The following STMN2 variants were observed in gnomAD, a reference collection of about 807,000 sequenced individuals.
STMN2 encodes stathmin 2, also known as stathmin-2.
In STMN2, 2 loss-of-function variants were observed where a neutral mutation model predicts 24.1. That is an observed-to-expected ratio of 0.08 (90% CI 0.03 to 0.26). The LOEUF (loss-of-function observed/expected upper bound fraction) is 0.26, where lower values mean the gene tolerates loss of function less well. Among genes scored for constraint, STMN2 ranks in the 10% least tolerant of loss-of-function variants. The pLI is 1.00. For synonymous variants in STMN2, 83 were observed against 77.5 expected (o/e 1.07, Z -0.37); for missense variants, 114 against 213.6 (o/e 0.53, Z 2.91).
At chr8:79,651,945 A>G (rs1186634379) in intron 3 of STMN2, among the ~76,000 whole-genome samples, 1 of 152,232 alleles carries the variant, frequency 6.6e-6, no homozygotes, top group African/African-American at 2.4e-5. Flanking sequence ...GGTGGATCCT[A>G]TCTAGGGCAG....
At chr8:79,628,391 T>A (rs913906960) in intron 1 of STMN2, among the ~76,000 whole-genome samples, 6 of 152,138 alleles carry the variant, frequency 3.9e-5, no homozygotes, top group African/African-American at 9.7e-5. Context: ...CTTCAAGTGA[T>A]CCGTCCACCT....
chr8:79,631,781 T>A (rs988348938), intron 1 of STMN2, among the ~76,000 whole-genome samples: 1 of 152,220 alleles, frequency 6.6e-6, no homozygotes, highest in South Asian at 2.1e-4. Flanking sequence ...CCTTGAGTTA[T>A]AGTGCCCCAA....
chr8:79,611,207 A>C lies in STMN2; in HGVS notation c.12A>C (p.Thr4=). 2 of 1,614,100 alleles carry C rather than the reference A, an allele frequency of 1.2e-6. No homozygotes were observed. The highest frequency in any genetic ancestry group is 1.7e-6 in the Non-Finnish European group (2 of 1,180,040). ...TGCACATCCCTACAATGGCTAAAAC[A>C]GCAATGGGTAAGGCACTGCGCCTCG... MAK[T]AMAYKEKMKE... is the part of the protein sequence containing the mutation. The change falls in exon 1 of 5, where the codon ACA becomes ACC. Residue 4 remains threonine, a synonymous_variant. Transcript: ENST00000220876.
chr8:79,612,082 G>A (rs1258798357), intron 1 of STMN2, among the ~76,000 whole-genome samples: 1 of 37,132 alleles, frequency 2.7e-5, no homozygotes, highest in Admixed American at 3.1e-4. Flanking sequence ...CCCCCCGCCC[G>A]GTGCTGCATC....
At position 79,642,097 on chromosome 8, in the gene STMN2, C is replaced by T. The variant is rs1810113283; in HGVS notation, c.288+547C>T. ...AGCTTGCCCCTTTCCTCTTCAGAGTCCCACTGCCTGCCCTGGAAGTTGGTC... is the reference window on the plus strand; with the variant it reads ...AGCTTGCCCCTTTCCTCTTCAGAGTTCCACTGCCTGCCCTGGAAGTTGGTC... On this transcript the variant is annotated intron_variant, in intron 3 of 4. Coordinates refer to ENST00000220876, the MANE Select transcript of STMN2 (RefSeq NM_007029.4). 2.0e-5 allele frequency among the ~76,000 whole-genome samples: 3 copies of T among 152,182 alleles called. No individual in the cohort carries two copies. The South Asian group carries it at 6.2e-4, about 32-fold the overall frequency.
chr8:79,613,437 A>T (rs758289148), intron 1 of STMN2: 2 of 985,420 alleles, frequency 2.0e-6, no homozygotes, highest in Non-Finnish European at 2.4e-6. Context: ...GTTTCTGCGC[A>T]GTGTCCTGAG....
At chr8:79,612,657 A>T (rs1809268580) in intron 1 of STMN2, among the ~76,000 whole-genome samples, 1 of 151,890 alleles carries the variant, frequency 6.6e-6, no homozygotes, top group Non-Finnish European at 1.5e-5. Flanking sequence ...CCGGGGTGAA[A>T]AGGCAGGGTG....
intron 4 of STMN2, among the ~76,000 whole-genome samples, chr8:79,659,493 C>T (rs4739895): frequency 0.054 from 8,166 of 152,216 alleles, 315 homozygotes; most frequent in South Asian, 0.13. Flanking sequence ...TCTCCCCTAA[C>T]GCACTATGCA....
Position 79,634,071 on chromosome 8 carries a change from C to T in STMN2, c.20-2731C>T, listed in dbSNP as rs964462559. The stretch of plus-strand genomic sequence containing the variant: ...TTGGATTGACCCTTCTTAATAAAGT[C>T]GGCATGTAATATGCTTCATGTGTTT... On this transcript the variant is annotated intron_variant, in intron 1 of 4. Coordinates refer to ENST00000220876, the MANE Select transcript of STMN2 (RefSeq NM_007029.4). 9.2e-5 allele frequency among the ~76,000 whole-genome samples: 14 copies of T among 152,238 alleles called. No homozygotes were observed. The East Asian group carries it at 1.9e-3, about 21-fold the overall frequency.
intron 2 of STMN2, among the ~76,000 whole-genome samples, chr8:79,638,310 A>G (rs756948920): frequency 2.1e-4 from 32 of 152,214 alleles, no homozygotes; most frequent in Non-Finnish European, 4.3e-4. Flanking sequence ...TTAGGGAATG[A>G]AAAAAGGGGA....
At chr8:79,633,132 G>A (rs1206804698) in intron 1 of STMN2, among the ~76,000 whole-genome samples, 1 of 152,086 alleles carries the variant, frequency 6.6e-6, no homozygotes, top group East Asian at 1.9e-4. Flanking sequence ...GGGGAGTTTG[G>A]GCAACTGTAC....
chr8:79,611,350 G>A (rs62520522), intron 1 of STMN2, 136 bp downstream of exon 1: 1 of 1,167,808 alleles, frequency 8.6e-7, no homozygotes, highest in Non-Finnish European at 1.2e-6. Context: ...AGGAAGGACA[G>A]GGCAGTTCTG....
chr8:79,612,979 C>T (rs1005275037), intron 1 of STMN2, among the ~76,000 whole-genome samples: 1 of 152,082 alleles, frequency 6.6e-6, no homozygotes, highest in African/African-American at 2.4e-5. Flanking sequence ...CCCAGCCAAG[C>T]GGGTGGCTCT....
intron 1 of STMN2, among the ~76,000 whole-genome samples, chr8:79,630,366 A>G (rs1039046): frequency 0.3 from 45,860 of 152,056 alleles, 7,449 homozygotes; most frequent in African/African-American, 0.42. Flanking sequence ...CCCTTATGCA[A>G]TCTTACATAC....
At chr8:79,616,569 C>T (rs977968820) in intron 1 of STMN2, among the ~76,000 whole-genome samples, 8 of 152,150 alleles carry the variant, frequency 5.3e-5, no homozygotes, top group African/African-American at 9.7e-5. Flanking sequence ...TTCTGTCTTC[C>T]GAACAAGCTC....
chr8:79,635,800 T>A (rs990052342), intron 1 of STMN2, among the ~76,000 whole-genome samples: 4 of 152,128 alleles, frequency 2.6e-5, no homozygotes, highest in African/African-American at 9.7e-5. Flanking sequence ...TCAGGTGCTA[T>A]GCTCAATACC....
chr8:79,658,589 A>G (rs1806429662), intron 4 of STMN2, among the ~76,000 whole-genome samples: 2 of 152,232 alleles, frequency 1.3e-5, no homozygotes, highest in Non-Finnish European at 2.9e-5. Flanking sequence ...AGGTCACTAC[A>G]CCATGCGCCC....
chr8:79,655,757 C>CA (rs1334747883), intron 4 of STMN2, among the ~76,000 whole-genome samples: 1 of 152,170 alleles, frequency 6.6e-6, no homozygotes, highest in African/African-American at 2.4e-5. Flanking sequence ...CCTATCCCCT[C>CA]AAAAAACCTT....
intron 1 of STMN2, among the ~76,000 whole-genome samples, chr8:79,617,605 A>G (rs1809413891): frequency 6.6e-6 from 1 of 152,244 alleles, no homozygotes; most frequent in Non-Finnish European, 1.5e-5. Flanking sequence ...CACTTAAGAC[A>G]GCATTACAAA....
Sources: allele counts gnomAD v4.1 joint callset (sites outside exome capture counted in the v4.1 genomes callset), GRCh38; gene constraint gnomAD v4.1.1; transcripts MANE v1.5; gene names NCBI Gene and HGNC (gene_info 2026-07-23, HGNC 2026-07-21).